CACNA1E: variants seen among roughly 807,000 people sequenced by gnomAD.
CACNA1E encodes the protein voltage-dependent R-type calcium channel subunit alpha-1E.
In CACNA1E, 40 loss-of-function variants were observed where a neutral mutation model predicts 259.2. That is an observed-to-expected ratio of 0.15 (90% confidence interval 0.12 to 0.20). CACNA1E has a LOEUF of 0.20. Ranked by LOEUF, CACNA1E falls within the 10% of genes least tolerant of loss-of-function variation. The pLI is 1.00. For synonymous variants in CACNA1E, 1,104 were observed against 1,138.5 expected (o/e 0.97, Z 0.61); for missense variants, 1,874 against 3,040.1 (o/e 0.62, Z 9.02).
intron 6 of CACNA1E, among the ~76,000 whole-genome samples, chr1:181,607,270 C>T (rs1370942549): frequency 6.6e-6 from 1 of 152,192 alleles, no homozygotes; most frequent in Non-Finnish European, 1.5e-5. Context: ...CTTAAGGCCC[C>T]TCCTACCTAG....
chr1:181,510,403 G>A (rs926674846), intron 1 of CACNA1E, 74 bp from the exon 2 acceptor site: 1 of 944,272 alleles, frequency 1.1e-6, no homozygotes, highest in Non-Finnish European at 1.7e-6. Context: ...ATAGAGTTGT[G>A]TGTTTATGGG....
intron 3 of CACNA1E, among the ~76,000 whole-genome samples, chr1:181,564,512 C>T (rs1357984803): frequency 6.6e-6 from 1 of 152,200 alleles, no homozygotes; most frequent in Non-Finnish European, 1.5e-5. Context: ...CAGTTACTTC[C>T]TCCACTGAAG....
At chr1:181,567,781 TG>T (rs1649993779) in intron 3 of CACNA1E, among the ~76,000 whole-genome samples, 2 of 152,214 alleles carry the variant, frequency 1.3e-5, no homozygotes, top group Admixed American at 6.5e-5. Flanking sequence ...TCTGTAGAGG[TG>T]GGTTTTTTAA....
chr1:181,594,204 T>C (rs116298585), intron 6 of CACNA1E, among the ~76,000 whole-genome samples: 6,372 of 151,832 alleles, frequency 0.042, 484 homozygotes, highest in African/African-American at 0.15. Context: ...TATAATTTAC[T>C]TGCAAATGCA....
chr1:181,367,458 G>C (rs1903069), intron 1 of CACNA1E, among the ~76,000 whole-genome samples: 30,362 of 150,870 alleles, frequency 0.2, 3,252 homozygotes, highest in African/African-American at 0.28. Flanking sequence ...ATCTCAAAGG[G>C]GTATAGACAT....
Position 181,732,845 on chromosome 1 carries a change from G to T in CACNA1E, c.2759G>T (p.Arg920Leu). The change falls in exon 20 of 48, where the codon CGC (arginine) becomes CTC (leucine). Residue 920 changes from arginine (R) to leucine (L), a missense_variant. Coordinates refer to ENST00000367573, the MANE Select transcript of CACNA1E (RefSeq NM_001205293.3). This position sits in a 1 kb window ranked among gnomAD's most constrained non-coding sequence, Gnocchi z 5.5. Reference sequence around the variant, plus strand: ...GCCAGGCACAGGCAGAGCCAACGGCGCAGCCGGCATCGCCGCGTCAGGACA... The same window carrying T: ...GCCAGGCACAGGCAGAGCCAACGGCTCAGCCGGCATCGCCGCGTCAGGACA... ...DRARHRQSQRRSRHRRVRTEG... is the reference protein window; with the variant it reads ...DRARHRQSQRLSRHRRVRTEG... The T allele has an allele frequency of 6.2e-7, 1 of 1,613,654 alleles. No homozygotes were observed. Among genetic ancestry groups the T allele is most frequent in the Non-Finnish European group, 8.5e-7 (1 of 1,179,724 alleles).
At chr1:181,687,890 C>T (rs1005177950) in intron 7 of CACNA1E, among the ~76,000 whole-genome samples, 1 of 152,114 alleles carries the variant, frequency 6.6e-6, no homozygotes, top group Non-Finnish European at 1.5e-5. Context: ...GAACTTGAAA[C>T]CACCTTTATT....
chr1:181,633,498 T>C (rs1469371682), intron 6 of CACNA1E, among the ~76,000 whole-genome samples: 1 of 151,990 alleles, frequency 6.6e-6, no homozygotes, highest in Non-Finnish European at 1.5e-5. Context: ...GACTACACTT[T>C]TTTATTTTTT....
intron 3 of CACNA1E, among the ~76,000 whole-genome samples, chr1:181,517,892 T>A (rs922756306): frequency 3.9e-5 from 6 of 152,076 alleles, no homozygotes; most frequent in Non-Finnish European, 1.5e-5. Context: ...AGGCTGAGAA[T>A]GTGGGGGAAG....
chr1:181,569,003 C>T (rs1357973548), intron 3 of CACNA1E, among the ~76,000 whole-genome samples: 4 of 152,164 alleles, frequency 2.6e-5, no homozygotes, highest in Non-Finnish European at 1.5e-5. Flanking sequence ...TTCTTTTGTG[C>T]CTCAAGACTT....
intron 6 of CACNA1E, among the ~76,000 whole-genome samples, chr1:181,607,903 C>A (rs553531406): frequency 6.6e-6 from 1 of 152,074 alleles, no homozygotes; most frequent in East Asian, 1.9e-4. Flanking sequence ...GTAATGGTAC[C>A]ATTTCAGGGA....
chr1:181,425,828 G>A (rs1170844673), intron 2 of CACNA1E, among the ~76,000 whole-genome samples: 2 of 152,018 alleles, frequency 1.3e-5, no homozygotes, highest in East Asian at 1.9e-4. Flanking sequence ...CAGGGTTGGC[G>A]TGTGAGTGAG....
At position 181,758,557 on chromosome 1, in the gene CACNA1E, C is replaced by T. The variant is rs945936125; in HGVS notation, c.4495-201C>T. Among the ~76,000 whole-genome samples the T allele has an allele frequency of 3.3e-5, 5 of 152,108 alleles. No homozygotes were observed. The highest frequency in any genetic ancestry group is 1.2e-4 in the African/African-American group (5 of 41,430). On this transcript the variant is annotated intron_variant, in intron 31 of 47. Coordinates refer to ENST00000367573, the MANE Select transcript of CACNA1E (RefSeq NM_001205293.3). The surrounding 1 kb of genome is among the most constrained non-coding windows in gnomAD (Gnocchi z 4.2). ...TGTTTTGCTATTAAGTCTGGTGGGG[C>T]GTGGGTCTGTGTTTTCCTTTGTTTT... is the stretch of plus-strand genomic sequence containing the variant.
At chr1:181,556,053 T>A (rs905679590) in intron 3 of CACNA1E, among the ~76,000 whole-genome samples, 1 of 152,264 alleles carries the variant, frequency 6.6e-6, no homozygotes, top group Non-Finnish European at 1.5e-5. Flanking sequence ...CTAGCTATTG[T>A]CACCTCCTTT....
chr1:181,398,501 G>A (rs1656856109), intron 1 of CACNA1E, among the ~76,000 whole-genome samples: 1 of 152,238 alleles, frequency 6.6e-6, no homozygotes, highest in South Asian at 2.1e-4. Flanking sequence ...GAGGTTGGCT[G>A]ACTTGCTCAA....
At chr1:181,781,964 C>T (rs1004980371) in intron 39 of CACNA1E, among the ~76,000 whole-genome samples, 5 of 152,170 alleles carry the variant, frequency 3.3e-5, no homozygotes, top group East Asian at 3.9e-4. Context: ...TTCCTTTAAA[C>T]GTGGAATTGT....
Position 181,732,631 on chromosome 1 carries a change from C to T in CACNA1E, c.2545C>T (p.Arg849Cys), listed in dbSNP as rs1238784071. The change falls in exon 20 of 48, where the codon CGC becomes TGC. Residue 849 changes from arginine to cysteine, a missense_variant. This residue lies in a region of CACNA1E where 476 missense variants were observed against 514.0 expected (regional missense o/e 0.93). Transcript: ENST00000367573. The surrounding 1 kb of genome is among the most constrained non-coding windows in gnomAD (Gnocchi z 5.5). ...GLALEKFEEERISRGGSLKGD... is the reference protein window; with the variant it reads ...GLALEKFEEECISRGGSLKGD... ...GGCCCTGGAGAAGTTCGAGGAGGAG[C>T]GCATCAGCCGTGGGGGGTCCCTCAA... 7.4e-6 allele frequency: 11 copies of T among 1,490,534 alleles called. No individual in the cohort carries two copies. Among genetic ancestry groups the T allele is most frequent in the East Asian group, 2.4e-5 (1 of 41,222 alleles). The allele number at this position is 1,490,534 out of a possible 1,614,324, so 92.3% of individuals were successfully genotyped here.
chr1:181,367,258 C>A (rs1654340551), intron 1 of CACNA1E, among the ~76,000 whole-genome samples: 1 of 152,210 alleles, frequency 6.6e-6, no homozygotes, highest in African/African-American at 2.4e-5. Context: ...GGTGCCTCAC[C>A]CAAAGTGCTG....
chr1:181,319,959 T>TGGATTGGAGTGGAGC (rs1650213901), intron 1 of CACNA1E, among the ~76,000 whole-genome samples: 1 of 152,214 alleles, frequency 6.6e-6, no homozygotes, highest in African/African-American at 2.4e-5. Flanking sequence ...GAAATGCCCA[T>TGGATTGGAGTGGAGC]TCCTGGAGTG....
Sources: allele counts gnomAD v4.1 joint callset (sites outside exome capture counted in the v4.1 genomes callset), GRCh38; gene constraint gnomAD v4.1.1; regional missense constraint gnomAD v4.1.1; non-coding constraint Gnocchi (gnomAD v3.1); transcripts MANE v1.5; gene names NCBI Gene and HGNC (gene_info 2026-07-23, HGNC 2026-07-21).